SHISA6: variants seen among roughly 807,000 people sequenced by gnomAD.
SHISA6 encodes the protein shisa family member 6, also known as protein shisa-6.
Under a neutral mutation model 47.9 loss-of-function variants are expected in SHISA6, and 22 were observed. That is an observed-to-expected ratio of 0.46 (90% CI 0.33 to 0.66). The LOEUF (loss-of-function observed/expected upper bound fraction) is 0.66, where lower values mean the gene tolerates loss of function less well. Ranked by LOEUF, SHISA6 falls within the 30% of genes least tolerant of loss-of-function variation. SHISA6 has a pLI of 0.02. For synonymous variants in SHISA6, 388 were observed against 337.8 expected (o/e 1.15, Z -1.63); for missense variants, 680 against 764.6 (o/e 0.89, Z 1.30).
intron 2 of SHISA6, among the ~76,000 whole-genome samples, chr17:11,301,452 T>C (rs1345111447): frequency 1.3e-5 from 2 of 152,220 alleles, no homozygotes; most frequent in African/African-American, 2.4e-5. Flanking sequence ...GTCCAAATGA[T>C]TGCAGCACTT....
chr17:11,340,477 G>A (rs1010208763), intron 2 of SHISA6, among the ~76,000 whole-genome samples: 1 of 152,170 alleles, frequency 6.6e-6, no homozygotes, highest in Non-Finnish European at 1.5e-5. Context: ...AAGCTTCCAG[G>A]CCCAGGAATG....
chr17:11,503,261 T>C (rs1426542783), intron 3 of SHISA6, among the ~76,000 whole-genome samples: 1 of 152,162 alleles, frequency 6.6e-6, no homozygotes, highest in African/African-American at 2.4e-5. Flanking sequence ...AGGCAGTTCT[T>C]ACCATGCAGA....
At chr17:11,287,841 A>G (rs1909375494) in intron 2 of SHISA6, among the ~76,000 whole-genome samples, 1 of 152,208 alleles carries the variant, frequency 6.6e-6, no homozygotes, top group African/African-American at 2.4e-5. Flanking sequence ...CAAACATAAA[A>G]GAACATAAAA....
chr17:11,432,004 G>A (rs1473001745), intron 3 of SHISA6, among the ~76,000 whole-genome samples: 2 of 152,058 alleles, frequency 1.3e-5, no homozygotes, highest in Non-Finnish European at 2.9e-5. Context: ...GTGCTCTTCA[G>A]GTACACTAGA....
At chr17:11,249,297 T>TGTGC (rs1907711952) in intron 1 of SHISA6, among the ~76,000 whole-genome samples, 5 of 151,818 alleles carry the variant, frequency 3.3e-5, no homozygotes, top group Middle Eastern at 3.4e-3. Flanking sequence ...TGTGTGTGTG[T>TGTGC]GCGCGTGCGT....
At chr17:11,550,072 C>T (rs1215393911) in intron 3 of SHISA6, among the ~76,000 whole-genome samples, 3 of 150,830 alleles carry the variant, frequency 2.0e-5, no homozygotes, top group East Asian at 1.9e-4. Flanking sequence ...TTTTTTTTTC[C>T]GAGACGAAGT....
intron 3 of SHISA6, among the ~76,000 whole-genome samples, chr17:11,400,301 T>C (rs1246235909): frequency 6.6e-6 from 1 of 152,200 alleles, no homozygotes; most frequent in East Asian, 1.9e-4. Flanking sequence ...CAGCATCTCC[T>C]AAGGTGAGTC....
rs534865028 is a variant in SHISA6, at chr17:11,411,258, G to A, written c.895+31749G>A. Among the ~76,000 whole-genome samples the A allele has an allele frequency of 1.2e-4, 18 of 152,164 alleles. No individual in the cohort carries two copies. The East Asian group carries it at 2.9e-3, about 25-fold the overall frequency. ...GCTGGGATTACAGGTGTGAGCCACCGCGCCTGGCCTCAATTCTGTCTATTC... is the reference window on the plus strand; with the variant it reads ...GCTGGGATTACAGGTGTGAGCCACCACGCCTGGCCTCAATTCTGTCTATTC... On this transcript the variant is annotated intron_variant, in intron 3 of 5. Coordinates refer to ENST00000441885, the MANE Select transcript of SHISA6 (RefSeq NM_207386.4).
At chr17:11,510,791 A>C (rs2071534867) in intron 3 of SHISA6, among the ~76,000 whole-genome samples, 1 of 152,206 alleles carries the variant, frequency 6.6e-6, no homozygotes, top group African/African-American at 2.4e-5. Flanking sequence ...GTTACAATTA[A>C]CAGAGCTCAG....
At chr17:11,452,449 C>T (rs1303661356) in intron 3 of SHISA6, among the ~76,000 whole-genome samples, 1 of 152,148 alleles carries the variant, frequency 6.6e-6, no homozygotes, top group Non-Finnish European at 1.5e-5. Flanking sequence ...AGGTCAGCTT[C>T]CTCATCAGCA....
chr17:11,353,372 G>A (rs754965769), intron 2 of SHISA6, among the ~76,000 whole-genome samples: 4 of 151,514 alleles, frequency 2.6e-5, no homozygotes, highest in Middle Eastern at 3.5e-3. Flanking sequence ...CAAAAGAATC[G>A]CGTGAACCCA....
chr17:11,274,978 C>T (rs944388411), intron 2 of SHISA6, among the ~76,000 whole-genome samples: 16 of 151,930 alleles, frequency 1.1e-4, no homozygotes, highest in African/African-American at 3.6e-4. Flanking sequence ...TGGAAAACGG[C>T]GATGCATAAG....
At chr17:11,374,943 A>G (rs1020599885) in intron 2 of SHISA6, among the ~76,000 whole-genome samples, 2 of 152,130 alleles carry the variant, frequency 1.3e-5, no homozygotes, top group African/African-American at 2.4e-5. Flanking sequence ...GAATCTTGTC[A>G]GTCATTTCCA....
At chr17:11,411,850 T>C (rs550809615) in intron 3 of SHISA6, among the ~76,000 whole-genome samples, 18 of 152,330 alleles carry the variant, frequency 1.2e-4, no homozygotes, top group African/African-American at 3.4e-4. Flanking sequence ...TGGAGTTTTA[T>C]TGACCACGCA....
At chr17:11,555,997 C>T in intron 5 of SHISA6, 105 bp downstream of exon 5, 1 of 1,327,060 alleles carries the variant, frequency 7.5e-7, no homozygotes, top group Non-Finnish European at 9.9e-7. Context: ...TGTCAAATCC[C>T]AAGAATAAAG....
chr17:11,315,449 C>T (rs1910477099), intron 2 of SHISA6, among the ~76,000 whole-genome samples: 1 of 151,668 alleles, frequency 6.6e-6, no homozygotes, highest in South Asian at 2.1e-4. Context: ...TACATTGATT[C>T]CGACCTCTTT....
chr17:11,483,698 C>G (rs1458773178), intron 3 of SHISA6, among the ~76,000 whole-genome samples: 5 of 152,194 alleles, frequency 3.3e-5, no homozygotes, highest in African/African-American at 7.2e-5. Context: ...CAGAATACTT[C>G]TGTAATATCA....
intron 3 of SHISA6, among the ~76,000 whole-genome samples, chr17:11,499,697 TTTTG>T (rs1247657206): frequency 2.7e-5 from 4 of 148,208 alleles, no homozygotes; most frequent in African/African-American, 7.8e-5. Context: ...TTTTTTTTTT[TTTTG>T]TTGTTGTTGT....
At chr17:11,280,660 T>C (rs767263165) in intron 2 of SHISA6, among the ~76,000 whole-genome samples, 36 of 152,196 alleles carry the variant, frequency 2.4e-4, no homozygotes, top group Middle Eastern at 3.2e-3. Context: ...CCTTTAAGGG[T>C]AAATAAGACT....
Sources: allele counts gnomAD v4.1 joint callset (sites outside exome capture counted in the v4.1 genomes callset), GRCh38; gene constraint gnomAD v4.1.1; transcripts MANE v1.5; gene names NCBI Gene and HGNC (gene_info 2026-07-23, HGNC 2026-07-21).